DYNC1H1: variants seen among roughly 807,000 people sequenced by gnomAD.
The protein encoded by DYNC1H1 is cytoplasmic dynein 1 heavy chain 1.
In DYNC1H1, 51 loss-of-function variants were observed where a neutral mutation model predicts 527.1. That is an observed-to-expected ratio of 0.10 (90% confidence interval 0.08 to 0.12). DYNC1H1 has a LOEUF of 0.12. DYNC1H1 is among the 10% of genes least tolerant of loss of function. DYNC1H1 has a pLI of 1.00. For missense variants in DYNC1H1, 2,771 were observed against 5,971.8 expected (o/e 0.46, Z 17.66); for synonymous variants, 2,189 against 2,278.8 (o/e 0.96, Z 1.12).
chr14:101,970,859 G>A (rs2047729351), intron 1 of DYNC1H1, among the ~76,000 whole-genome samples: 1 of 152,156 alleles, frequency 6.6e-6, no homozygotes, highest in South Asian at 2.1e-4. Context: ...TAATTTGGTA[G>A]TGTATGCGGG....
Position 101,964,703 on chromosome 14 carries a change from CG to C in DYNC1H1, c.17del (p.Gly6AlafsTer100). On this transcript the variant is annotated frameshift_variant, in exon 1 of 78. Coordinates refer to ENST00000360184, the MANE Select transcript of DYNC1H1 (RefSeq NM_001376.5). LOFTEE classifies it high-confidence loss of function. This position sits in a 1 kb window ranked among gnomAD's most constrained non-coding sequence, Gnocchi z 5.5. MSEP[G>X]GGGGEDGSAG... ...CCGAGCGCGACACCATGTCGGAGCC[CG>C]GGGGCGGCGGCGGCGAGGACGGCTC... 1.3e-6 allele frequency: 2 copies of C among 1,593,820 alleles called. No homozygotes were observed.
At position 102,016,349 on chromosome 14, in the gene DYNC1H1, C is replaced by T. The variant is rs2048322542; in HGVS notation, c.7474C>T (p.Arg2492Ter). 1 of 1,614,128 alleles carries T rather than the reference C, an allele frequency of 6.2e-7. No individual in the cohort carries two copies. Among genetic ancestry groups the T allele is most frequent in the Non-Finnish European group, 8.5e-7 (1 of 1,180,010 alleles). The change falls in exon 37 of 78, where the codon CGA becomes TGA. Residue 2492 changes from arginine (R) to a stop codon, truncating the protein, a stop_gained and splice_region_variant. Transcript: ENST00000360184. LOFTEE classifies it high-confidence loss of function. This position sits in a 1 kb window ranked among gnomAD's most constrained non-coding sequence, Gnocchi z 7.3. ...QIEQLERYIQ[R>*]YLVYAILWSL... ...CAAAGTTTAATTCCCTTTTTAATAG[C>T]GATATCTGGTTTATGCCATACTCTG...
At position 102,049,192 on chromosome 14, in the gene DYNC1H1, G is replaced by A. The variant is rs994640487; in HGVS notation, c.13373-248G>A. ...GGATGTGATTATGGTCCTCCAGAAA[G>A]ACACACCTGGACTAATTTGACCCTA... On this transcript the variant is annotated intron_variant, in intron 74 of 77. Transcript: ENST00000360184. The surrounding 1 kb of genome is among the most constrained non-coding windows in gnomAD (Gnocchi z 5.5). 3.3e-5 allele frequency: 19 copies of A among 574,680 alleles called. No homozygotes were observed. The highest frequency in any genetic ancestry group is 4.6e-4 in the Middle Eastern group (1 of 2,156). The allele number at this position is 574,680 out of a possible 1,614,324, so 35.6% of individuals were successfully genotyped here. A position where few individuals can be genotyped will look rare whatever the true frequency, so the allele number is the denominator to read the frequency against.
chr14:102,043,384 T>C (rs1433208205), intron 69 of DYNC1H1: 1 of 234,576 alleles, frequency 4.3e-6, no homozygotes, highest in Non-Finnish European at 8.4e-6. Context: ...AAGCCATGTT[T>C]GATTATGGGG....
At position 102,017,610 on chromosome 14, in the gene DYNC1H1, T is replaced by C. The variant is rs1400081872; in HGVS notation, c.8177+106T>C. Reference sequence around the variant, plus strand: ...GTTTTGATAATAAAGACAACAATACTGCTTATTGTGGATTCCTCTTGGGTT... The same window carrying C: ...GTTTTGATAATAAAGACAACAATACCGCTTATTGTGGATTCCTCTTGGGTT... On this transcript the variant is annotated intron_variant, in intron 40 of 77. Transcript: ENST00000360184. This position sits in a 1 kb window ranked among gnomAD's most constrained non-coding sequence, Gnocchi z 4.6. 6.4e-7 allele frequency: 1 copy of C among 1,557,158 alleles called. No individual in the cohort carries two copies. Among genetic ancestry groups the C allele is most frequent in the Non-Finnish European group, 8.8e-7 (1 of 1,131,572 alleles).
At position 101,964,808 on chromosome 14, in the gene DYNC1H1, G is replaced by T. The variant is rs935645209; in HGVS notation, c.117G>T (p.Pro39=). 11 of 1,603,860 alleles carry T rather than the reference G, an allele frequency of 6.9e-6. No individual in the cohort carries two copies. Among genetic ancestry groups the T allele is most frequent in the Non-Finnish European group, 9.3e-6 (11 of 1,176,650 alleles). Residue 39 remains proline (P), a synonymous_variant, in exon 1 of 78, where the codon CCG becomes CCT. Transcript: ENST00000360184. This position sits in a 1 kb window ranked among gnomAD's most constrained non-coding sequence, Gnocchi z 5.5. ...VLQKHLRKLV[P]LLLEDGGEAP... ...AGAAGCACCTGCGCAAGCTGGTGCC[G>T]CTGCTGCTGGAGGACGGCGGCGAGG...
chr14:102,049,181 T>G lies in DYNC1H1; in HGVS notation c.13373-259T>G, dbSNP rs1296491664. On this transcript the variant is annotated intron_variant, in intron 74 of 77. Transcript: ENST00000360184. The surrounding 1 kb of genome is among the most constrained non-coding windows in gnomAD (Gnocchi z 5.5). ...CGGTTTTGCTTGGATGTGATTATGG[T>G]CCTCCAGAAAGACACACCTGGACTA... 9.0e-6 allele frequency: 5 copies of G among 555,042 alleles called. No individual in the cohort carries two copies. Among genetic ancestry groups the G allele is most frequent in the Non-Finnish European group, 1.6e-5 (5 of 308,786 alleles). 34.4% of individuals were successfully genotyped at this position (555,042 alleles called of 1,614,324 possible). A position where few individuals can be genotyped will look rare whatever the true frequency, so the allele number is the denominator to read the frequency against.
rs2048851895 is a variant in DYNC1H1 at position 102,054,156 on chromosome 14, G to A, written c.*3593G>A. 6.6e-6 allele frequency: 1 copy of A among 152,304 alleles called. No individual in the cohort carries two copies. The highest frequency in any genetic ancestry group is 2.4e-5 in the African/African-American group (1 of 41,450). 9.4% of individuals were successfully genotyped at this position (152,304 alleles called of 1,614,324 possible). Reference sequence around the variant, plus strand: ...TTGTTCCCAGAAAGCCCTCAACGCAGTGCTGGGCACAGACCTGGGAGGCTT... The same window carrying A: ...TTGTTCCCAGAAAGCCCTCAACGCAATGCTGGGCACAGACCTGGGAGGCTT... On this transcript the variant is annotated 3_prime_UTR_variant, in exon 78 of 78. Transcript: ENST00000360184.
chr14:101,984,654 C>T (rs1348315230), intron 7 of DYNC1H1, among the ~76,000 whole-genome samples: 3 of 149,970 alleles, frequency 2.0e-5, no homozygotes, highest in African/African-American at 4.9e-5. Context: ...ATTCACCGGC[C>T]GGGCGCGGTG....
intron 57 of DYNC1H1, chr14:102,037,373 G>C (rs558519819): frequency 1.3e-5 from 2 of 148,568 alleles, no homozygotes; most frequent in African/African-American, 5.0e-5. Context: ...GTAGTGAACC[G>C]AGTTTGTGCC....
At chr14:101,969,125 C>A (rs1290419820) in intron 1 of DYNC1H1, among the ~76,000 whole-genome samples, 2 of 151,994 alleles carry the variant, frequency 1.3e-5, no homozygotes, top group South Asian at 4.1e-4. Flanking sequence ...TCACGCCATT[C>A]TCCTGCCTGA....
chr14:102,004,116 C>T (rs867635778), intron 23 of DYNC1H1, among the ~76,000 whole-genome samples: 127 of 150,884 alleles, frequency 8.4e-4, no homozygotes, highest in Non-Finnish European at 1.4e-3. Context: ...TGGTGGTGGG[C>T]GCCTGTAGTC....
At position 102,049,952 on chromosome 14, in the gene DYNC1H1, A is replaced by C. The variant is rs772427923; in HGVS notation, c.13684+70A>C. On this transcript the variant is annotated intron_variant, in intron 76 of 77. Coordinates refer to ENST00000360184, the MANE Select transcript of DYNC1H1 (RefSeq NM_001376.5). This position sits in a 1 kb window ranked among gnomAD's most constrained non-coding sequence, Gnocchi z 5.5. ...TCGGTGGCCTGAGACCATTGTTCCC[A>C]GATACATGCACTTAGGGTGACCGGC... is the stretch of plus-strand genomic sequence containing the variant. The C allele has an allele frequency of 5.4e-5, 82 of 1,517,836 alleles. No homozygotes were observed. The highest frequency in any genetic ancestry group is 7.0e-5 in the Non-Finnish European group (80 of 1,136,172). The allele number at this position is 1,517,836 out of a possible 1,614,324, so 94.0% of individuals were successfully genotyped here.
At position 102,001,418 on chromosome 14, in the gene DYNC1H1, A is replaced by G. The variant is rs2141286058; in HGVS notation, c.4395+64A>G. On this transcript the variant is annotated intron_variant, in intron 20 of 77. Transcript: ENST00000360184. This position sits in a 1 kb window ranked among gnomAD's most constrained non-coding sequence, Gnocchi z 5.0. ...TCGGGCTGTTACATAGATCTGAGCTATGTAAAAATGGAGCCTTGTCATCTG... is the reference window on the plus strand; with the variant it reads ...TCGGGCTGTTACATAGATCTGAGCTGTGTAAAAATGGAGCCTTGTCATCTG... 2 of 1,613,170 alleles carry G rather than the reference A, an allele frequency of 1.2e-6. No individual in the cohort carries two copies. The highest frequency in any genetic ancestry group is 1.7e-6 in the Non-Finnish European group (2 of 1,179,262).
chr14:102,013,806 C>T (rs1480981510), intron 34 of DYNC1H1, among the ~76,000 whole-genome samples: 2 of 152,176 alleles, frequency 1.3e-5, no homozygotes, highest in East Asian at 3.9e-4. Flanking sequence ...CTCAGACCTC[C>T]AGGCACCAGG....
chr14:102,044,398 A>C lies in DYNC1H1; in HGVS notation c.12809A>C (p.Glu4270Ala). 6.2e-7 allele frequency: 1 copy of C among 1,614,158 alleles called. No homozygotes were observed. Among genetic ancestry groups the C allele is most frequent in the Non-Finnish European group, 8.5e-7 (1 of 1,180,042 alleles). ...FDQRLLNTFL[E>A]RLFTTRSFDS... Reference sequence around the variant, plus strand: ...CAGCGTCTGCTCAACACCTTCCTGGAGCGCCTGTTCACAACCAGGAGTTTC... The same window carrying C: ...CAGCGTCTGCTCAACACCTTCCTGGCGCGCCTGTTCACAACCAGGAGTTTC... The change falls in exon 71 of 78, where the codon GAG becomes GCG. Residue 4270 changes from glutamate to alanine, a missense_variant. Transcript: ENST00000360184. The surrounding 1 kb of genome is among the most constrained non-coding windows in gnomAD (Gnocchi z 7.1).
At chr14:101,981,867 A>G (rs2047869227) in intron 5 of DYNC1H1, among the ~76,000 whole-genome samples, 1 of 152,222 alleles carries the variant, frequency 6.6e-6, no homozygotes, top group African/African-American at 2.4e-5. Context: ...ATGTTCACCT[A>G]AATTAAGCCA....
At chr14:102,009,019 C>T (rs528725645) in intron 29 of DYNC1H1, among the ~76,000 whole-genome samples, 6 of 152,296 alleles carry the variant, frequency 3.9e-5, no homozygotes, top group South Asian at 2.1e-4. Context: ...ATTCTCACAT[C>T]GTCAGAGAGC....
chr14:101,988,451 GGAT>G (rs2141276425), intron 9 of DYNC1H1, among the ~76,000 whole-genome samples: 1 of 152,310 alleles, frequency 6.6e-6, no homozygotes, highest in African/African-American at 2.4e-5. Flanking sequence ...TTGGGGAGGA[GGAT>G]ATTTTATAGC....
Sources: allele counts gnomAD v4.1 joint callset (sites outside exome capture counted in the v4.1 genomes callset), GRCh38; gene constraint gnomAD v4.1.1; non-coding constraint Gnocchi (gnomAD v3.1); transcripts MANE v1.5; gene names NCBI Gene and HGNC (gene_info 2026-07-23, HGNC 2026-07-21).